ARHGEF33: variants seen among roughly 807,000 people sequenced by gnomAD.
ARHGEF33 encodes the protein DH and coiled-coil domain-containing protein ENSP00000381780.
In ARHGEF33, 72 loss-of-function variants were observed where a neutral mutation model predicts 101.9. The ratio of observed to expected loss-of-function variants is 0.71; its 90% CI spans 0.58 to 0.86. ARHGEF33 has a LOEUF of 0.86. Ranked by LOEUF, ARHGEF33 falls within the 40% of genes least tolerant of loss-of-function variation. The pLI, the probability that ARHGEF33 is intolerant of heterozygous loss-of-function variation, is 0.00. For missense variants in ARHGEF33, 1,169 were observed against 1,111.3 expected, an observed-to-expected ratio of 1.05 and a Z score of -0.74; for synonymous variants, 499 against 442.5, an observed-to-expected ratio of 1.13 and a Z score of -1.60.
intron 2 of ARHGEF33, among the ~76,000 whole-genome samples, chr2:38,916,179 G>A (rs1478903284): frequency 6.6e-6 from 1 of 152,086 alleles, no homozygotes; most frequent in Non-Finnish European, 1.5e-5. Flanking sequence ...TCAATTAGTT[G>A]TAGACTAACG....
intron 9 of ARHGEF33, among the ~76,000 whole-genome samples, chr2:38,943,595 T>A (rs560917643): frequency 6.6e-6 from 1 of 152,364 alleles, no homozygotes; most frequent in African/African-American, 2.4e-5. Context: ...TTTCAATGAT[T>A]GCTCCTGCTT....
chr2:38,925,705 G>T (rs184868967), intron 4 of ARHGEF33, among the ~76,000 whole-genome samples: 2 of 152,108 alleles, frequency 1.3e-5, no homozygotes, highest in Admixed American at 6.5e-5. Context: ...AATTACCTTC[G>T]CCTCCTTGCC....
intron 10 of ARHGEF33, among the ~76,000 whole-genome samples, chr2:38,944,873 A>ATGGG (rs1553343302): frequency 2.1e-5 from 1 of 46,694 alleles, no homozygotes; most frequent in Non-Finnish European, 4.1e-5. Flanking sequence ...TGAGTAATGC[A>ATGGG]TGGGTGTGTG....
At chr2:38,929,639 G>C (rs1205222147) in intron 5 of ARHGEF33, 70 bp from the exon 6 acceptor site, 27 of 1,249,814 alleles carry the variant, frequency 2.2e-5, no homozygotes, top group Non-Finnish European at 2.7e-5. Context: ...AAAGTGTACA[G>C]TGTGCTAGAT....
chr2:38,939,614 C>T (rs921263115), intron 9 of ARHGEF33, among the ~76,000 whole-genome samples: 14 of 152,190 alleles, frequency 9.2e-5, no homozygotes, highest in Non-Finnish European at 1.9e-4. Context: ...TGCTTATTAG[C>T]TATTCATATA....
chr2:38,948,336 G>A (rs1029889115), intron 10 of ARHGEF33, among the ~76,000 whole-genome samples: 1 of 152,156 alleles, frequency 6.6e-6, no homozygotes, highest in Admixed American at 6.5e-5. Flanking sequence ...TCCACTGTAG[G>A]TCATTGTTTT....
At chr2:38,969,705 C>G (rs1321730471) in intron 17 of ARHGEF33, 3 of 153,338 alleles carry the variant, frequency 2.0e-5, no homozygotes, top group African/African-American at 2.4e-5. Flanking sequence ...CATAATTGAT[C>G]AGAATAAAGG....
At chr2:38,961,718 C>A (rs887355743) in intron 16 of ARHGEF33, among the ~76,000 whole-genome samples, 1 of 151,940 alleles carries the variant, frequency 6.6e-6, no homozygotes, top group Non-Finnish European at 1.5e-5. Context: ...TGGCTTAGTA[C>A]AGGAAGGAGA....
At chr2:38,954,252 C>A (rs1042854503) in intron 12 of ARHGEF33, 121 bp from the exon 13 acceptor site, 1 of 656,800 alleles carries the variant, frequency 1.5e-6, no homozygotes, top group African/African-American at 1.8e-5. Context: ...TGCTCTATGA[C>A]AATCTCTGGG....
At chr2:38,950,956 G>GT in intron 10 of ARHGEF33, 33 bp from the exon 11 acceptor site, 3 of 1,547,262 alleles carry the variant, frequency 1.9e-6, no homozygotes, top group Non-Finnish European at 2.6e-6. Context: ...TCTACACCTT[G>GT]TTTGTGTGAT....
At chr2:38,904,630 C>G (rs931168855) in intron 2 of ARHGEF33, among the ~76,000 whole-genome samples, 1 of 149,274 alleles carries the variant, frequency 6.7e-6, no homozygotes, top group Non-Finnish European at 1.5e-5. Context: ...CTGCTTGAAC[C>G]TGGGAGGCAG....
At chr2:38,928,817 G>C in intron 4 of ARHGEF33, 90 bp from the exon 5 acceptor site, 8 of 1,259,416 alleles carry the variant, frequency 6.4e-6, no homozygotes, top group Non-Finnish European at 8.6e-6. Flanking sequence ...CAGGAGGCTT[G>C]TTTCTCAAAC....
At chr2:38,913,778 A>T (rs867151703) in intron 2 of ARHGEF33, among the ~76,000 whole-genome samples, 32 of 152,146 alleles carry the variant, frequency 2.1e-4, no homozygotes, top group African/African-American at 6.0e-4. Flanking sequence ...CAGAAAAAAA[A>T]AAAATAAAAA....
chr2:38,906,137 C>G (rs548215481), intron 2 of ARHGEF33, among the ~76,000 whole-genome samples: 2 of 139,156 alleles, frequency 1.4e-5, no homozygotes, highest in East Asian at 4.2e-4. Flanking sequence ...AAGATTGAGC[C>G]AAGATTGTGC....
intron 2 of ARHGEF33, among the ~76,000 whole-genome samples, chr2:38,910,368 C>A (rs1001223387): frequency 3.3e-5 from 5 of 152,160 alleles, no homozygotes; most frequent in African/African-American, 1.2e-4. Flanking sequence ...CTCAGGAGTT[C>A]AAGACCAGCC....
intron 4 of ARHGEF33, among the ~76,000 whole-genome samples, chr2:38,926,352 C>T (rs1313224235): frequency 6.6e-6 from 1 of 152,142 alleles, no homozygotes; most frequent in Non-Finnish European, 1.5e-5. Flanking sequence ...ATGTTAAGAT[C>T]GTGTCTTCAC....
At chr2:38,894,036 G>A (rs1020209630) in intron 1 of ARHGEF33, among the ~76,000 whole-genome samples, 8 of 152,192 alleles carry the variant, frequency 5.3e-5, no homozygotes, top group East Asian at 3.9e-4. Flanking sequence ...ATTAAAAATC[G>A]TTCTTGCCAG....
chr2:38,958,890 G>A (rs183534974), intron 15 of ARHGEF33, among the ~76,000 whole-genome samples: 461 of 152,030 alleles, frequency 3.0e-3, no homozygotes, highest in Non-Finnish European at 5.4e-3. Flanking sequence ...ATGTTGGCCA[G>A]GCTGCCACCA....
At chr2:38,895,617 T>G (rs1666104020) in intron 1 of ARHGEF33, among the ~76,000 whole-genome samples, 160 bp from the exon 2 acceptor site, 1 of 152,218 alleles carries the variant, frequency 6.6e-6, no homozygotes, top group Non-Finnish European at 1.5e-5. Flanking sequence ...AGACTTTTAC[T>G]TTTTTACTTT....
Sources: gnomAD v4.1 joint callset for allele counts (sites outside exome capture counted in the v4.1 genomes callset) on GRCh38, gnomAD v4.1.1 for gene constraint, MANE v1.5 for transcripts, NCBI Gene and HGNC (gene_info 2026-07-23, HGNC 2026-07-21) for gene names.